The following BMPR1B variants were observed in gnomAD, a reference collection of about 807,000 sequenced individuals.
BMPR1B encodes bone morphogenetic protein receptor type-1B.
A neutral mutation model predicts 59.1 loss-of-function variants in BMPR1B; 12 were observed. The observed-to-expected ratio is 0.20, with a 90% confidence interval of 0.13 to 0.33. The LOEUF is 0.33. Ranked by LOEUF, BMPR1B falls within the 10% of genes least tolerant of loss-of-function variation. The pLI, the probability that BMPR1B is intolerant of heterozygous loss-of-function variation, is 1.00. For missense variants in BMPR1B, 550 were observed against 610.9 expected (o/e 0.90, Z 1.05); for synonymous variants, 237 against 207.3 (o/e 1.14, Z -1.23).
At position 95,031,327 on chromosome 4, in the gene BMPR1B, G is replaced by A. The variant is rs560705116; in HGVS notation, c.-18+35193G>A. Among the ~76,000 whole-genome samples, 98 of 152,232 alleles carry A rather than the reference G, an allele frequency of 6.4e-4. 3 individuals are homozygous for A. Among genetic ancestry groups the A allele is most frequent in the African/African-American group, 2.2e-3 (90 of 41,546 alleles). ...TGGCACATTAGAGAGGAATGTGATC[G>A]GGAGTGGAATGACATGACTGGACCC... On this transcript the variant is annotated intron_variant, in intron 3 of 12. Transcript: ENST00000515059.
chr4:95,148,410 G>GTT (rs200271011), intron 10 of BMPR1B, among the ~76,000 whole-genome samples: 2 of 148,184 alleles, frequency 1.3e-5, no homozygotes, highest in Middle Eastern at 3.4e-3. Flanking sequence ...TATCTTCATT[G>GTT]TTTTTTTTTT....
intron 2 of BMPR1B, among the ~76,000 whole-genome samples, chr4:94,936,776 C>CTCTCT (rs991267201): frequency 3.3e-5 from 5 of 152,038 alleles, no homozygotes; most frequent in African/African-American, 1.2e-4. Context: ...CTTCCCTTGG[C>CTCTCT]TCTCTTCTCT....
At chr4:94,963,023 G>A (rs1215204256) in intron 2 of BMPR1B, among the ~76,000 whole-genome samples, 1 of 152,064 alleles carries the variant, frequency 6.6e-6, no homozygotes, top group Non-Finnish European at 1.5e-5. Flanking sequence ...TTTAACTGGG[G>A]TAGAGATGAT....
At chr4:95,104,900 G>A (rs1459509752) in intron 4 of BMPR1B, among the ~76,000 whole-genome samples, 3 of 145,382 alleles carry the variant, frequency 2.1e-5, no homozygotes, top group Non-Finnish European at 4.6e-5. Flanking sequence ...GCTGTCAAAT[G>A]CGTGTGATTT....
intron 2 of BMPR1B, among the ~76,000 whole-genome samples, chr4:94,913,187 A>G (rs1451208841): frequency 2.0e-5 from 3 of 152,118 alleles, no homozygotes; most frequent in Non-Finnish European, 4.4e-5. Flanking sequence ...GGCAACATAT[A>G]TGTATAGTGT....
At chr4:94,885,307 A>T (rs1392241414) in intron 2 of BMPR1B, among the ~76,000 whole-genome samples, 1 of 152,202 alleles carries the variant, frequency 6.6e-6, no homozygotes, top group African/African-American at 2.4e-5. Context: ...CACTGAGAAG[A>T]TGACTAAGTA....
intron 1 of BMPR1B, among the ~76,000 whole-genome samples, chr4:94,841,504 G>C (rs1725075878): frequency 6.6e-6 from 1 of 152,192 alleles, no homozygotes; most frequent in African/African-American, 2.4e-5. Flanking sequence ...CGCAGTATTT[G>C]GGTGGGAGTG....
At chr4:95,071,644 G>GTATATATATATA (rs1410154969) in intron 3 of BMPR1B, among the ~76,000 whole-genome samples, 1 of 83,620 alleles carries the variant, frequency 1.2e-5, no homozygotes, top group African/African-American at 5.6e-5. Context: ...GTGTGTGTGT[G>GTATATATATATA]TGTGTGTGTA....
chr4:95,142,695 T>C (rs1419762693), intron 10 of BMPR1B, among the ~76,000 whole-genome samples: 1 of 152,058 alleles, frequency 6.6e-6, no homozygotes, highest in Non-Finnish European at 1.5e-5. Flanking sequence ...AGCAACTCTT[T>C]CCCTGCGCTC....
intron 10 of BMPR1B, 122 bp downstream of exon 10, chr4:95,131,634 G>T: frequency 8.5e-7 from 1 of 1,172,070 alleles, no homozygotes; most frequent in Non-Finnish European, 1.2e-6. Context: ...ACATTTGACG[G>T]GGAGAACCAC....
rs1726706872 is a variant in BMPR1B at position 94,875,830 on chromosome 4, G to C, written c.-182-1G>C. 1 of 152,610 alleles carries C rather than the reference G, an allele frequency of 6.6e-6. No homozygotes were observed. The highest frequency in any genetic ancestry group is 1.5e-5 in the Non-Finnish European group (1 of 68,040). 9.5% of individuals were successfully genotyped at this position (152,610 alleles called of 1,614,324 possible). On this transcript the variant is annotated splice_acceptor_variant, in intron 1 of 12. Transcript: ENST00000515059. LOFTEE classifies it low-confidence loss of function (5UTR_SPLICE). ...TTCAGTTTTTGTCTCTTTGTTGACAGGGTGGAGTTCAGCCTACTCTTTCTT... is the reference window on the plus strand; with the variant it reads ...TTCAGTTTTTGTCTCTTTGTTGACACGGTGGAGTTCAGCCTACTCTTTCTT...
Position 94,766,272 on chromosome 4 carries a change from A to G in BMPR1B, c.-183+8204A>G, listed in dbSNP as rs1258156620. On this transcript the variant is annotated intron_variant, in intron 1 of 12. Transcript: ENST00000515059. ...GATTTATGTTCCTCAGAACTATGGG[A>G]AAAAAATTGATACAAACAATTGGCT... is the stretch of plus-strand genomic sequence containing the variant. Among the ~76,000 whole-genome samples the G allele has an allele frequency of 2.0e-5, 3 of 152,178 alleles. No homozygotes were observed. In the East Asian group the frequency reaches 5.8e-4, roughly 29 times the overall value.
intron 3 of BMPR1B, among the ~76,000 whole-genome samples, chr4:95,036,238 T>G (rs1408841622): frequency 6.6e-6 from 1 of 152,160 alleles, no homozygotes; most frequent in African/African-American, 2.4e-5. Flanking sequence ...TTTACTCTTT[T>G]CATTATTTTA....
chr4:95,002,355 C>T lies in BMPR1B; in HGVS notation c.-18+6221C>T, dbSNP rs575548071. Among the ~76,000 whole-genome samples the T allele has an allele frequency of 7.9e-5, 12 of 152,234 alleles. No individual in the cohort carries two copies. The South Asian group carries it at 2.3e-3, about 29-fold the overall frequency. On this transcript the variant is annotated intron_variant, in intron 3 of 12. Coordinates refer to ENST00000515059, the MANE Select transcript of BMPR1B (RefSeq NM_001203.3). ...AGTGTAGTACCATGGTGCATATGTA[C>T]CACATTTTCTTTATCCATCCACTGT...
At position 95,154,873 on chromosome 4, in the gene BMPR1B, CTG is replaced by C. The variant is rs1225311194; in HGVS notation, c.*202_*203del. Reference sequence around the variant, plus strand: ...CCCAGAAGGAGAGATTGATCCATGTCTGTTTGTAGGACGGAGAAACCGCTTGG... The same window carrying C: ...CCCAGAAGGAGAGATTGATCCATGTCTTTGTAGGACGGAGAAACCGCTTGG... On this transcript the variant is annotated 3_prime_UTR_variant, in exon 13 of 13. Transcript: ENST00000515059. 25 of 650,514 alleles carry C rather than the reference CTG, an allele frequency of 3.8e-5. No homozygotes were observed. Among genetic ancestry groups the C allele is most frequent in the Middle Eastern group, 3.9e-4 (1 of 2,578 alleles). The allele number at this position is 650,514 out of a possible 1,614,324, so 40.3% of individuals were successfully genotyped here.
chr4:95,009,245 C>T (rs763522330), intron 3 of BMPR1B, among the ~76,000 whole-genome samples: 92 of 152,042 alleles, frequency 6.1e-4, no homozygotes, highest in South Asian at 2.3e-3. Flanking sequence ...CATATTTTTC[C>T]GCAGCAATTC....
chr4:95,086,739 T>A (rs903677832), intron 3 of BMPR1B, among the ~76,000 whole-genome samples: 2 of 152,054 alleles, frequency 1.3e-5, no homozygotes, highest in Non-Finnish European at 2.9e-5. Context: ...GGAGCATTTG[T>A]AATGCCCACA....
intron 2 of BMPR1B, among the ~76,000 whole-genome samples, chr4:94,981,218 T>G (rs1721064471): frequency 6.6e-6 from 1 of 152,044 alleles, no homozygotes; most frequent in African/African-American, 2.4e-5. Flanking sequence ...TTCTTTTTTT[T>G]TTTGAGATGA....
chr4:94,888,584 A>G (rs1008183989), intron 2 of BMPR1B, among the ~76,000 whole-genome samples: 2 of 152,024 alleles, frequency 1.3e-5, no homozygotes, highest in African/African-American at 4.8e-5. Context: ...TTGGGTGCTG[A>G]TATTGATCAT....
Sources: gnomAD v4.1 joint callset for allele counts (sites outside exome capture counted in the v4.1 genomes callset) on GRCh38, gnomAD v4.1.1 for gene constraint, MANE v1.5 for transcripts, NCBI Gene and HGNC (gene_info 2026-07-23, HGNC 2026-07-21) for gene names.